Variants in NFE2L3 observed in about 807,000 individuals in gnomAD.
NFE2L3 encodes NFE2 like bZIP transcription factor 3, also known as nuclear factor erythroid 2-related factor 3.
Under a neutral mutation model 23.5 loss-of-function variants are expected in NFE2L3, and 18 were observed. The observed-to-expected ratio is 0.77, with a 90% confidence interval of 0.53 to 1.13. The LOEUF is 1.13. NFE2L3 is among the 50% of genes most tolerant of loss of function. The pLI is 0.00. For synonymous variants in NFE2L3, 424 were observed against 354.5 expected, an observed-to-expected ratio of 1.20 and a Z score of -2.20; for missense variants, 1,152 against 877.2, an observed-to-expected ratio of 1.31 and a Z score of -3.96.
intron 1 of NFE2L3, among the ~76,000 whole-genome samples, chr7:26,153,724 A>G (rs1346886661): frequency 6.6e-6 from 1 of 152,244 alleles, no homozygotes; most frequent in Admixed American, 6.5e-5. Context: ...TTAGTGACTA[A>G]CAAGTTCCCT....
rs1019470195 is a variant in NFE2L3, at chr7:26,185,906, C to CAGTT, written c.*125_*128dup. ...TTTAAGTACTGCTACTTGAATAACTCAGTTAACGCTGTTTTGAAGCTTACA... is the reference window on the plus strand; with the variant it reads ...TTTAAGTACTGCTACTTGAATAACTCAGTTAGTTAACGCTGTTTTGAAGCTTACA... On this transcript the variant is annotated 3_prime_UTR_variant, in exon 4 of 4. Transcript: ENST00000056233. 1 of 808,452 alleles carries CAGTT rather than the reference C, an allele frequency of 1.2e-6. No homozygotes were observed. Among genetic ancestry groups the CAGTT allele is most frequent in the Admixed American group, 3.4e-5 (1 of 29,728 alleles). The allele number at this position is 808,452 out of a possible 1,614,324, so 50.1% of individuals were successfully genotyped here.
chr7:26,169,046 C>G (rs1784296760), intron 1 of NFE2L3, among the ~76,000 whole-genome samples: 1 of 152,168 alleles, frequency 6.6e-6, no homozygotes, highest in African/African-American at 2.4e-5. Flanking sequence ...GCTTTGCAGA[C>G]TGCACATTAT....
Position 26,152,992 on chromosome 7 carries a change from T to A in NFE2L3, c.494T>A (p.Leu165Ter). Residue 165 changes from leucine (L) to a stop codon, truncating the protein, a stop_gained, in exon 1 of 4, where the codon TTG (leucine) becomes TAG (stop). Coordinates refer to ENST00000056233, the MANE Select transcript of NFE2L3 (RefSeq NM_004289.7). LOFTEE classifies it high-confidence loss of function. This position sits in a 1 kb window ranked among gnomAD's most constrained non-coding sequence, Gnocchi z 4.4. ...GDPRAARSGP[L>*]DAGEEEKAPA... The stretch of plus-strand genomic sequence containing the variant: ...CCCCGAGCGGCTCGGAGTGGCCCCT[T>A]GGACGCCGGGGAAGAGGAGAAGGCA... 3 of 1,517,670 alleles carry A rather than the reference T, an allele frequency of 2.0e-6. No individual in the cohort carries two copies. The highest frequency in any genetic ancestry group is 1.8e-6 in the Non-Finnish European group (2 of 1,138,228). 94.0% of individuals were successfully genotyped at this position (1,517,670 alleles called of 1,614,324 possible). A position where few individuals can be genotyped will look rare whatever the true frequency, so the allele number is the denominator to read the frequency against.
rs1000806822 is a variant in NFE2L3 at position 26,157,743 on chromosome 7, G to A, written c.570+4675G>A. Among the ~76,000 whole-genome samples, 44 of 152,202 alleles carry A rather than the reference G, an allele frequency of 2.9e-4. 1 individual carries two copies. The highest frequency in any genetic ancestry group is 6.6e-5 in the Admixed American group (1 of 15,266). On this transcript the variant is annotated intron_variant, in intron 1 of 3. Coordinates refer to ENST00000056233, the MANE Select transcript of NFE2L3 (RefSeq NM_004289.7). ...GAAAGGATGTCATAAGTTACTGTAT[G>A]AATTTGCTAGGGCTGCCATAACAAA...
intron 2 of NFE2L3, among the ~76,000 whole-genome samples, chr7:26,183,147 AAACT>A (rs1782366201): frequency 1.3e-5 from 2 of 152,336 alleles, no homozygotes; most frequent in East Asian, 3.9e-4. Context: ...AAATAAGCTG[AAACT>A]AACAATTAGC....
At chr7:26,184,399 G>C in intron 3 of NFE2L3, 134 bp from the exon 4 acceptor site, 1 of 764,208 alleles carries the variant, frequency 1.3e-6, no homozygotes, top group East Asian at 2.5e-5. Flanking sequence ...TAACTAGGAA[G>C]TTACTGCCAA....
intron 1 of NFE2L3, among the ~76,000 whole-genome samples, chr7:26,162,335 TAAAG>T (rs775766817): frequency 6.6e-6 from 1 of 151,934 alleles, no homozygotes; most frequent in Non-Finnish European, 1.5e-5. Context: ...TAAAAACTAT[TAAAG>T]AAGAATTGAG....
chr7:26,160,483 C>G (rs542717428), intron 1 of NFE2L3, among the ~76,000 whole-genome samples: 7 of 152,280 alleles, frequency 4.6e-5, no homozygotes, highest in African/African-American at 1.7e-4. Context: ...TAAATAAATA[C>G]ACATATACAC....
chr7:26,178,120 G>A lies in NFE2L3; in HGVS notation c.748G>A (p.Glu250Lys). 1 of 1,610,080 alleles carries A rather than the reference G, an allele frequency of 6.2e-7. No individual in the cohort carries two copies. ...EAEKTTESRN[E>K]RHLNGTDTSF... ...AGAAAAGACCACTGAATCTAGAAAT[G>A]AGGTAAGCCTGTCAGAATATTCAAG... The change falls in exon 2 of 4, where the codon GAG becomes AAG. Residue 250 changes from glutamate (E) to lysine (K), a missense_variant and splice_region_variant. Coordinates refer to ENST00000056233, the MANE Select transcript of NFE2L3 (RefSeq NM_004289.7).
At chr7:26,168,786 A>C (rs893123634) in intron 1 of NFE2L3, among the ~76,000 whole-genome samples, 12 of 152,164 alleles carry the variant, frequency 7.9e-5, no homozygotes, top group African/African-American at 2.9e-4. Flanking sequence ...TAGTTCTTTA[A>C]GGAATCTCCG....
Position 26,152,797 on chromosome 7 carries a change from T to C in NFE2L3, c.299T>C (p.Val100Ala). ...QLLREVRALG[V>A]PFVPRTSVDA... ...CTCCGGGAGGTGCGCGCGCTCGGGG[T>C]CCCCTTCGTCCCTCGCACCAGCGTG... Residue 100 changes from valine to alanine, a missense_variant, in exon 1 of 4, where the codon GTC becomes GCC. Coordinates refer to ENST00000056233, the MANE Select transcript of NFE2L3 (RefSeq NM_004289.7). The surrounding 1 kb of genome is among the most constrained non-coding windows in gnomAD (Gnocchi z 4.4). 6.7e-7 allele frequency: 1 copy of C among 1,485,690 alleles called. No individual in the cohort carries two copies. Among genetic ancestry groups the C allele is most frequent in the Non-Finnish European group, 8.9e-7 (1 of 1,125,718 alleles). 92.0% of individuals were successfully genotyped at this position (1,485,690 alleles called of 1,614,324 possible). A position where few individuals can be genotyped will look rare whatever the true frequency, so the allele number is the denominator to read the frequency against.
At chr7:26,154,166 C>G (rs1023440452) in intron 1 of NFE2L3, among the ~76,000 whole-genome samples, 4 of 152,174 alleles carry the variant, frequency 2.6e-5, no homozygotes, top group African/African-American at 9.7e-5. Flanking sequence ...TGATCTGAGC[C>G]CTTCCTCTTC....
At chr7:26,184,017 A>G (rs1782407697) in intron 3 of NFE2L3, 2 of 511,674 alleles carry the variant, frequency 3.9e-6, no homozygotes, top group African/African-American at 3.9e-5. Context: ...GATTTCTCAA[A>G]AAACTAAAAG....
At chr7:26,170,019 G>A (rs1429693956) in intron 1 of NFE2L3, among the ~76,000 whole-genome samples, 1 of 152,200 alleles carries the variant, frequency 6.6e-6, no homozygotes. Flanking sequence ...TGTGGCCTCA[G>A]GTGGGTCACC....
intron 3 of NFE2L3, 187 bp downstream of exon 3, chr7:26,183,971 A>C: frequency 3.7e-6 from 2 of 539,476 alleles, no homozygotes; most frequent in Non-Finnish European, 6.5e-6. Context: ...CCAAAGGTAT[A>C]ATCAAATTTA....
At chr7:26,163,536 G>A (rs992261088) in intron 1 of NFE2L3, among the ~76,000 whole-genome samples, 2 of 152,016 alleles carry the variant, frequency 1.3e-5, no homozygotes, top group East Asian at 1.9e-4. Flanking sequence ...TAGTAGAGAC[G>A]GGATTTCACC....
In NFE2L3 at chr7:26,185,230, C is replaced by G. The variant is rs773321800; in HGVS notation, c.1532C>G (p.Ser511Cys). Residue 511 changes from serine to cysteine, a missense_variant, in exon 4 of 4, where the codon TCT becomes TGT. By Grantham distance (112) the Ser-to-Cys change is moderately radical. Coordinates refer to ENST00000056233, the MANE Select transcript of NFE2L3 (RefSeq NM_004289.7). ...CAGCCAACTGCACCAGAATCTACTTCTGAACCTTTTCCGTGGCCTGGGAAG... is the reference window on the plus strand; with the variant it reads ...CAGCCAACTGCACCAGAATCTACTTGTGAACCTTTTCCGTGGCCTGGGAAG... ...HLQPTAPEST[S>C]EPFPWPGKSQ... The G allele has an allele frequency of 6.2e-7, 1 of 1,613,436 alleles. No homozygotes were observed. Among genetic ancestry groups the G allele is most frequent in the African/African-American group, 1.3e-5 (1 of 75,044 alleles).
chr7:26,184,427 A>T, intron 3 of NFE2L3, 106 bp from the exon 4 acceptor site: 1 of 993,438 alleles, frequency 1.0e-6, no homozygotes. Flanking sequence ...TATCTCTATT[A>T]AATGTAGAGG....
chr7:26,162,594 C>T (rs972704468), intron 1 of NFE2L3, among the ~76,000 whole-genome samples: 3 of 152,106 alleles, frequency 2.0e-5, no homozygotes, highest in Admixed American at 6.5e-5. Flanking sequence ...TCTTTACTGC[C>T]GCCCCCATGG....
Sources: allele counts gnomAD v4.1 joint callset (sites outside exome capture counted in the v4.1 genomes callset), GRCh38; gene constraint gnomAD v4.1.1; non-coding constraint Gnocchi (gnomAD v3.1); transcripts MANE v1.5; gene names NCBI Gene and HGNC (gene_info 2026-07-23, HGNC 2026-07-21).